The following EYS variants were observed in gnomAD, a reference collection of about 807,000 sequenced individuals.
EYS encodes the protein EGF-like photoreceptor maintenance factor.
Under a neutral mutation model 282.1 loss-of-function variants are expected in EYS, and 250 were observed. The ratio of observed to expected loss-of-function variants is 0.89; its 90% CI spans 0.80 to 0.98. The LOEUF is 0.98. Among genes scored for constraint, EYS ranks in the 50% least tolerant of loss-of-function variants. The probability of loss-of-function intolerance (pLI) is 0.00; values close to 1 mark genes in which losing one functional copy is unlikely to be tolerated. For synonymous variants in EYS, 1,355 were observed against 1,282.9 expected (o/e 1.06, Z -1.20); for missense variants, 4,016 against 3,709.0 (o/e 1.08, Z -2.15).
chr6:64,806,331 CTAACT>C (rs1032572160), intron 22 of EYS, among the ~76,000 whole-genome samples: 1 of 151,806 alleles, frequency 6.6e-6, no homozygotes, highest in African/African-American at 2.4e-5. Context: ...CATAAGTTAC[CTAACT>C]TCTCTTAGTC....
rs941240437 is a variant in EYS at position 65,329,974 on chromosome 6, T to C, written c.1766+5006A>G. On this transcript the variant is annotated intron_variant, in intron 11 of 42. Transcript: ENST00000503581. ...TATATTTAACATTACACAGAAAATG[T>C]GAATCTCCTAAAATAGCCTGTAAAG... 5.1e-6 allele frequency: 5 copies of C among 980,188 alleles called. No individual in the cohort carries two copies. In the African/African-American group the frequency reaches 8.8e-5, roughly 17 times the overall value. 60.7% of individuals were successfully genotyped at this position (980,188 alleles called of 1,614,324 possible).
chr6:64,388,806 TAGTC>T lies in EYS; in HGVS notation c.5958_5961del (p.Thr1987PhefsTer2), dbSNP rs1561965266. 1.3e-6 allele frequency: 2 copies of T among 1,542,374 alleles called. No homozygotes were observed. Among genetic ancestry groups the T allele is most frequent in the Non-Finnish European group, 1.8e-6 (2 of 1,142,652 alleles). On this transcript the variant is annotated frameshift_variant, in exon 29 of 43. Coordinates refer to ENST00000503581, the MANE Select transcript of EYS (RefSeq NM_001142800.2). LOFTEE classifies it high-confidence loss of function. ...CATATTTGTGTATTCCTCCCTAAAA[TAGTC>T]AGCTCAGCGTTACATGGATCCAATT...
At chr6:65,573,726 C>T (rs1764558496) in intron 2 of EYS, among the ~76,000 whole-genome samples, 1 of 152,182 alleles carries the variant, frequency 6.6e-6, no homozygotes, top group East Asian at 1.9e-4. Context: ...GGGCCAAATT[C>T]TTGCAGTATA....
At chr6:65,261,087 AGAACATTTCAGAATGCATTAC>A (rs1249155879) in intron 12 of EYS, among the ~76,000 whole-genome samples, 2 of 152,034 alleles carry the variant, frequency 1.3e-5, no homozygotes, top group African/African-American at 4.8e-5. Flanking sequence ...GTGGAGAATA[AGAACATTTCAGAATGCATTAC>A]GAACATTTTA....
chr6:64,868,230 G>A (rs538374860), intron 19 of EYS, among the ~76,000 whole-genome samples: 1 of 151,478 alleles, frequency 6.6e-6, no homozygotes, highest in Admixed American at 6.6e-5. Flanking sequence ...TGTGACAAGT[G>A]TGGTTTATAA....
intron 22 of EYS, among the ~76,000 whole-genome samples, chr6:64,777,249 G>C (rs747658342): frequency 2.0e-5 from 3 of 152,146 alleles, no homozygotes; most frequent in Non-Finnish European, 4.4e-5. Flanking sequence ...AGACAAGGCA[G>C]ACTGTTGTAT....
At chr6:65,572,799 C>T (rs1764523778) in intron 2 of EYS, among the ~76,000 whole-genome samples, 1 of 152,010 alleles carries the variant, frequency 6.6e-6, no homozygotes, top group Non-Finnish European at 1.5e-5. Flanking sequence ...TATGTACTCC[C>T]CCATTAGTTT....
chr6:65,229,336 T>C (rs1016594979), intron 12 of EYS, among the ~76,000 whole-genome samples: 31 of 151,876 alleles, frequency 2.0e-4, no homozygotes, highest in African/African-American at 7.2e-4. Flanking sequence ...AACTTTTTCG[T>C]TGAGCAAGAG....
intron 22 of EYS, among the ~76,000 whole-genome samples, chr6:64,645,751 TA>T (rs1176911608): frequency 1.7e-4 from 26 of 152,216 alleles, no homozygotes; most frequent in Non-Finnish European, 3.5e-4. Context: ...TAAGGCTGCT[TA>T]AATGCTAGTG....
intron 26 of EYS, among the ~76,000 whole-genome samples, chr6:64,557,514 G>T (rs1562060578): frequency 6.6e-6 from 1 of 151,856 alleles, no homozygotes; most frequent in East Asian, 1.9e-4. Flanking sequence ...TAAAGTAATG[G>T]TGTTGGTTAT....
intron 29 of EYS, among the ~76,000 whole-genome samples, chr6:64,338,999 G>C (rs1284284803): frequency 6.6e-6 from 1 of 151,870 alleles, no homozygotes; most frequent in Non-Finnish European, 1.5e-5. Flanking sequence ...ATGGATTAAG[G>C]ACTTAAATCT....
At chr6:64,689,530 G>C (rs1293568617) in intron 22 of EYS, among the ~76,000 whole-genome samples, 1 of 151,518 alleles carries the variant, frequency 6.6e-6, no homozygotes, top group Non-Finnish European at 1.5e-5. Context: ...ACAATCCTAA[G>C]CCAAAAGAAC....
At position 64,018,958 on chromosome 6, in the gene EYS, A is replaced by G. The variant is rs968987001; in HGVS notation, c.6726-19775T>C. Among the ~76,000 whole-genome samples, 40 of 151,662 alleles carry G rather than the reference A, an allele frequency of 2.6e-4. 3 individuals are homozygous for G. The highest frequency in any genetic ancestry group is 5.9e-5 in the Non-Finnish European group (4 of 67,892). On this transcript the variant is annotated intron_variant, in intron 33 of 42. Transcript: ENST00000503581. The stretch of plus-strand genomic sequence containing the variant: ...CCTGGTTAATTTTTATATTTTTAGT[A>G]GAGACGGGGTTTCGCCATGTTGGCC...
At chr6:64,892,431 A>C (rs1562245937) in intron 18 of EYS, among the ~76,000 whole-genome samples, 3 of 152,022 alleles carry the variant, frequency 2.0e-5, no homozygotes, top group Non-Finnish European at 4.4e-5. Context: ...AAAAGCTTAC[A>C]TTCAAAATAA....
intron 2 of EYS, among the ~76,000 whole-genome samples, chr6:65,628,021 G>C (rs1378315022): frequency 6.6e-6 from 1 of 152,244 alleles, no homozygotes; most frequent in Non-Finnish European, 1.5e-5. Context: ...CTGGTGGGGA[G>C]GTGGAGAGTC....
chr6:64,994,304 T>G (rs2150124300), intron 14 of EYS, among the ~76,000 whole-genome samples: 1 of 152,256 alleles, frequency 6.6e-6, no homozygotes, highest in African/African-American at 2.4e-5. Context: ...ACTGTGGATT[T>G]GAAGTCTTCT....
chr6:65,316,532 C>A (rs1453475279), intron 11 of EYS, among the ~76,000 whole-genome samples: 5 of 149,780 alleles, frequency 3.3e-5, no homozygotes, highest in African/African-American at 1.2e-4. Flanking sequence ...GTAGAACATA[C>A]AGGTTTGTTA....
intron 5 of EYS, among the ~76,000 whole-genome samples, chr6:65,440,485 A>C (rs1768271534): frequency 6.6e-6 from 1 of 151,808 alleles, no homozygotes; most frequent in African/African-American, 2.4e-5. Flanking sequence ...CATTTGGAAG[A>C]CCCATTATAA....
chr6:65,243,129 C>T (rs1321339843), intron 12 of EYS, among the ~76,000 whole-genome samples: 4 of 151,878 alleles, frequency 2.6e-5, no homozygotes, highest in South Asian at 2.1e-4. Flanking sequence ...TTTTGTCAGG[C>T]ATATTTTGAT....
Sources: gnomAD v4.1 joint callset for allele counts (sites outside exome capture counted in the v4.1 genomes callset) on GRCh38, gnomAD v4.1.1 for gene constraint, MANE v1.5 for transcripts, NCBI Gene and HGNC (gene_info 2026-07-23, HGNC 2026-07-21) for gene names.